LOC400499: variants seen among roughly 807,000 people sequenced by gnomAD.
chr16:11,497,296 CA>C, the LOC400499 span, among the ~76,000 whole-genome samples: 1 of 152,180 alleles, frequency 6.6e-6, no homozygotes, highest in Admixed American at 6.5e-5. Flanking sequence ...TGTGAAAGGA[CA>C]GGGGTGTGTG....
the LOC400499 span, among the ~76,000 whole-genome samples, chr16:11,385,589 G>C: frequency 2.6e-5 from 4 of 152,212 alleles, no homozygotes; most frequent in Non-Finnish European, 5.9e-5. Flanking sequence ...TCCCCCACCG[G>C]CTTCAAGATG....
chr16:11,511,147 C>T, the LOC400499 span, among the ~76,000 whole-genome samples: 1 of 152,014 alleles, frequency 6.6e-6, no homozygotes, highest in Non-Finnish European at 1.5e-5. Flanking sequence ...CAGACACACA[C>T]CACCATGCCT....
At chr16:11,421,717 G>C in the LOC400499 span, among the ~76,000 whole-genome samples, 3 of 152,124 alleles carry the variant, frequency 2.0e-5, no homozygotes, top group African/African-American at 7.2e-5. Context: ...GAAATTTCCA[G>C]AATAGACAAA....
At chr16:11,446,424 C>G in the LOC400499 span, 2 of 851,090 alleles carry the variant, frequency 2.3e-6, no homozygotes, top group East Asian at 2.7e-5. Flanking sequence ...TCCTGCGTAG[C>G]TAAGATTACA....
the LOC400499 span, chr16:11,411,252 T>C: frequency 2.5e-6 from 1 of 399,164 alleles, no homozygotes; most frequent in Non-Finnish European, 4.4e-6. Context: ...TTACCTTAGC[T>C]GAGGCTGAGG....
At chr16:11,481,571 C>T in the LOC400499 span, among the ~76,000 whole-genome samples, 1 of 152,206 alleles carries the variant, frequency 6.6e-6, no homozygotes, top group African/African-American at 2.4e-5. Flanking sequence ...AATCTGCCCA[C>T]CTCAGCCTCC....
the LOC400499 span, among the ~76,000 whole-genome samples, chr16:11,503,158 T>G: frequency 2.0e-5 from 3 of 152,012 alleles, no homozygotes; most frequent in Non-Finnish European, 4.4e-5. Context: ...CAAGTGATCC[T>G]CCCACCTTGG....
At chr16:11,483,227 C>T in the LOC400499 span, among the ~76,000 whole-genome samples, 1 of 152,192 alleles carries the variant, frequency 6.6e-6, no homozygotes, top group East Asian at 1.9e-4. Context: ...AAAAATAGTA[C>T]AACCACTTGG....
the LOC400499 span, among the ~76,000 whole-genome samples, chr16:11,448,631 C>T: frequency 2.6e-5 from 4 of 152,032 alleles, no homozygotes; most frequent in African/African-American, 7.3e-5. Context: ...GTAGGCTGAG[C>T]GGGGAGGATC....
At chr16:11,470,932 G>A in the LOC400499 span, among the ~76,000 whole-genome samples, 1 of 152,216 alleles carries the variant, frequency 6.6e-6, no homozygotes, top group African/African-American at 2.4e-5. Context: ...AAGGCCCTGG[G>A]GCAGGCATGT....
At chr16:11,402,050 T>C in the LOC400499 span, 2 of 399,050 alleles carry the variant, frequency 5.0e-6, no homozygotes, top group East Asian at 3.6e-5. Context: ...GTCCCTGCCA[T>C]CCCAGCCGAC....
At chr16:11,373,376 G>C in the LOC400499 span, among the ~76,000 whole-genome samples, 1 of 152,198 alleles carries the variant, frequency 6.6e-6, no homozygotes, top group African/African-American at 2.4e-5. Flanking sequence ...ATGGAGTCTC[G>C]CGCTATCACC....
chr16:11,464,664 G>T, the LOC400499 span, among the ~76,000 whole-genome samples: 1 of 152,330 alleles, frequency 6.6e-6, no homozygotes, highest in Non-Finnish European at 1.5e-5. Context: ...AGGACTTGAA[G>T]GGGGGACCTC....
chr16:11,418,094 G>A, the LOC400499 span, among the ~76,000 whole-genome samples: 1 of 152,176 alleles, frequency 6.6e-6, no homozygotes, highest in African/African-American at 2.4e-5. Flanking sequence ...GGGGAGAGTG[G>A]GCCTGGGGAA....
the LOC400499 span, among the ~76,000 whole-genome samples, chr16:11,425,672 A>C: frequency 6.6e-6 from 1 of 152,292 alleles, no homozygotes; most frequent in East Asian, 1.9e-4. Flanking sequence ...GAACAGCTCT[A>C]TATTTATATA....
At chr16:11,390,116 G>T in the LOC400499 span, 1 of 1,232,282 alleles carries the variant, frequency 8.1e-7, no homozygotes, top group East Asian at 3.2e-5. Flanking sequence ...TGGCCGACAG[G>T]CTGTACAGGT....
the LOC400499 span, among the ~76,000 whole-genome samples, chr16:11,495,290 C>T: frequency 6.6e-6 from 1 of 152,046 alleles, no homozygotes; most frequent in African/African-American, 2.4e-5. Context: ...TACCCTCACT[C>T]CAGGGCTTCA....
At chr16:11,443,023 G>C in the LOC400499 span, among the ~76,000 whole-genome samples, 2 of 152,068 alleles carry the variant, frequency 1.3e-5, no homozygotes, top group South Asian at 4.1e-4. Flanking sequence ...GGGCTGTTGT[G>C]TATCTTGCAA....
the LOC400499 span, among the ~76,000 whole-genome samples, chr16:11,410,025 T>C: frequency 6.6e-6 from 1 of 152,174 alleles, no homozygotes; most frequent in Admixed American, 6.5e-5. Flanking sequence ...CCACCTGTAG[T>C]CCCAGCTACT....
Sources: gnomAD v4.1 joint callset for allele counts (sites outside exome capture counted in the v4.1 genomes callset) on GRCh38, gnomAD v4.1.1 for gene constraint, MANE v1.5 for transcripts.